Variants in PRORP observed in about 807,000 individuals in gnomAD.
PRORP encodes mitochondrial ribonuclease P catalytic subunit.
In PRORP, 51 loss-of-function variants were observed where a neutral mutation model predicts 59.4. The observed-to-expected ratio is 0.86, with a 90% CI of 0.69 to 1.08. The LOEUF is 1.08. Among genes scored for constraint, PRORP ranks in the 50% least tolerant of loss-of-function variants. The pLI is 0.00. For synonymous variants in PRORP, 231 were observed against 245.6 expected (o/e 0.94, Z 0.55); for missense variants, 646 against 690.3 (o/e 0.94, Z 0.72).
In PRORP at chr14:35,236,096, CAAAAAAAAAAAA is replaced by C. The variant is rs59458917; in HGVS notation, c.1276-30620_1276-30609del. Among the ~76,000 whole-genome samples the C allele has an allele frequency of 1.1e-4, 7 of 62,450 alleles. No individual in the cohort carries two copies. In the East Asian group the frequency reaches 1.9e-3, roughly 17 times the overall value. 41.0% of individuals were successfully genotyped at this position (62,450 alleles called of 152,430 possible). On this transcript the variant is annotated intron_variant, in intron 5 of 7. Transcript: ENST00000534898. ...GGGCAACACAGCAAGACCCCATCTC[CAAAAAAAAAAAA>C]AAAAAAAAAAGCATAAGGAAACTAA...
chr14:35,187,833 A>G (rs985753344), intron 5 of PRORP, among the ~76,000 whole-genome samples: 2 of 150,798 alleles, frequency 1.3e-5, no homozygotes, highest in South Asian at 2.1e-4. Context: ...AGAAATGTAT[A>G]TTTATTTTCT....
rs557066707 is a variant in PRORP, at chr14:35,211,485, A to G, written c.1275+30708A>G. 1.4e-4 allele frequency among the ~76,000 whole-genome samples: 22 copies of G among 152,276 alleles called. No homozygotes were observed. In the South Asian group the frequency reaches 3.7e-3, roughly 26 times the overall value. On this transcript the variant is annotated intron_variant, in intron 5 of 7. Coordinates refer to ENST00000534898, the MANE Select transcript of PRORP (RefSeq NM_014672.4). ...CAGCTTCATCAATAGACAGATAACT[A>G]TCAGCCAAGAAGAAATATACGTATA...
At chr14:35,200,948 G>GT (rs1021362932) in intron 5 of PRORP, among the ~76,000 whole-genome samples, 2 of 151,872 alleles carry the variant, frequency 1.3e-5, no homozygotes, top group African/African-American at 4.8e-5. Context: ...TAATCATTTT[G>GT]TTTTTTTAGG....
chr14:35,149,385 A>T (rs8019709), intron 4 of PRORP, among the ~76,000 whole-genome samples: 1 of 151,642 alleles, frequency 6.6e-6, no homozygotes, highest in Admixed American at 6.6e-5. Flanking sequence ...GATCATTTTT[A>T]AATTTTTTGT....
chr14:35,257,695 A>G (rs1435533935), intron 5 of PRORP, among the ~76,000 whole-genome samples: 2 of 152,202 alleles, frequency 1.3e-5, no homozygotes, highest in African/African-American at 4.8e-5. Flanking sequence ...TATTGATGAT[A>G]GTTATCTTGC....
intron 2 of PRORP, 153 bp downstream of exon 2, chr14:35,124,384 C>A (rs2047040304): frequency 2.2e-6 from 1 of 445,094 alleles, no homozygotes; most frequent in Non-Finnish European, 3.9e-6. Flanking sequence ...CCTCTCGCTT[C>A]AGTCTCCTCA....
At chr14:35,171,875 A>G (rs935235694) in intron 4 of PRORP, among the ~76,000 whole-genome samples, 1 of 151,970 alleles carries the variant, frequency 6.6e-6, no homozygotes, top group African/African-American at 2.4e-5. Context: ...TCTGTCTTTC[A>G]TGTTCACTGA....
At chr14:35,130,792 T>A in intron 4 of PRORP, among the ~76,000 whole-genome samples, 1 of 151,902 alleles carries the variant, frequency 6.6e-6, no homozygotes, top group African/African-American at 2.4e-5. Flanking sequence ...CCTATGTCCT[T>A]TTCTTTCTGC....
chr14:35,159,368 G>T (rs1007070666), intron 4 of PRORP, among the ~76,000 whole-genome samples: 1 of 151,572 alleles, frequency 6.6e-6, no homozygotes, highest in African/African-American at 2.4e-5. Context: ...TTTTTCCTTC[G>T]TGACTATCTC....
intron 5 of PRORP, among the ~76,000 whole-genome samples, chr14:35,184,796 T>C (rs1445760800): frequency 4.6e-5 from 7 of 152,186 alleles, no homozygotes; most frequent in Non-Finnish European, 1.5e-5. Flanking sequence ...GTTTCTGCAT[T>C]AGTTTGCTAA....
At position 35,267,347 on chromosome 14, in the gene PRORP, A is replaced by G. The variant is rs78634360; in HGVS notation, c.1424+472A>G. 4.0e-3 allele frequency among the ~76,000 whole-genome samples: 606 copies of G among 152,306 alleles called. 3 individuals carry two copies. Among genetic ancestry groups the G allele is most frequent in the Non-Finnish European group, 5.8e-3 (394 of 68,016 alleles). On this transcript the variant is annotated intron_variant, in intron 6 of 7. Coordinates refer to ENST00000534898, the MANE Select transcript of PRORP (RefSeq NM_014672.4). ...CTATGGGGACAATAAAGCAAGGTAG[A>G]TAGAATTTAGGTAAGGGATAGGTCA...
At chr14:35,169,921 G>A (rs1182363021) in intron 4 of PRORP, among the ~76,000 whole-genome samples, 1 of 152,182 alleles carries the variant, frequency 6.6e-6, no homozygotes, top group Non-Finnish European at 1.5e-5. Flanking sequence ...GAAGAGTGTT[G>A]AAATCTCCAT....
intron 4 of PRORP, among the ~76,000 whole-genome samples, chr14:35,168,066 C>G (rs1004569450): frequency 2.6e-5 from 4 of 152,212 alleles, no homozygotes; most frequent in African/African-American, 7.2e-5. Context: ...AATAAAGCCA[C>G]TGTTAACATT....
intron 5 of PRORP, among the ~76,000 whole-genome samples, chr14:35,223,253 C>T (rs988412697): frequency 3.3e-5 from 5 of 150,360 alleles, no homozygotes; most frequent in African/African-American, 1.2e-4. Flanking sequence ...AGAATGAAAC[C>T]TCTCCCCAAT....
intron 5 of PRORP, among the ~76,000 whole-genome samples, chr14:35,243,261 G>A (rs985630024): frequency 6.6e-6 from 1 of 152,190 alleles, no homozygotes; most frequent in Non-Finnish European, 1.5e-5. Flanking sequence ...ACCCGGTATG[G>A]TGGCTCACGC....
At chr14:35,229,268 C>A (rs1555330295) in intron 5 of PRORP, among the ~76,000 whole-genome samples, 4 of 152,018 alleles carry the variant, frequency 2.6e-5, no homozygotes, top group Non-Finnish European at 5.9e-5. Context: ...TTAATAGTTT[C>A]TTTTGTTGTG....
At chr14:35,249,707 A>G (rs1393779248) in intron 5 of PRORP, among the ~76,000 whole-genome samples, 1 of 152,214 alleles carries the variant, frequency 6.6e-6, no homozygotes, top group African/African-American at 2.4e-5. Flanking sequence ...GAAATCCTTT[A>G]TATCAGAACG....
At chr14:35,226,816 C>T (rs1425857859) in intron 5 of PRORP, among the ~76,000 whole-genome samples, 1 of 151,980 alleles carries the variant, frequency 6.6e-6, no homozygotes, top group Admixed American at 6.6e-5. Flanking sequence ...CTCACTGCAG[C>T]CTCAAACTCC....
intron 5 of PRORP, among the ~76,000 whole-genome samples, chr14:35,213,410 A>AGT (rs1235385760): frequency 2.0e-5 from 3 of 152,110 alleles, no homozygotes; most frequent in Admixed American, 2.0e-4. Flanking sequence ...CAGTCTGCAG[A>AGT]GTGAGATCCT....
Sources: gnomAD v4.1 joint callset for allele counts (sites outside exome capture counted in the v4.1 genomes callset) on GRCh38, gnomAD v4.1.1 for gene constraint, MANE v1.5 for transcripts, NCBI Gene and HGNC (gene_info 2026-07-23, HGNC 2026-07-21) for gene names.